The following OR1J2 variants were observed in gnomAD, a reference collection of about 807,000 sequenced individuals.
OR1J2 encodes olfactory receptor 1J2.
For missense variants in OR1J2, 304 were observed against 246.1 expected, an observed-to-expected ratio of 1.24 and a Z score of -1.57; for synonymous variants, 142 against 99.7, an observed-to-expected ratio of 1.42 and a Z score of -2.52.
the OR1J2 span, among the ~76,000 whole-genome samples, chr9:122,491,175 T>G: frequency 1.3e-5 from 2 of 152,204 alleles, no homozygotes; most frequent in Middle Eastern, 3.4e-3. Context: ...CTCTCTAAAT[T>G]TATGGCTTGG....
chr9:122,477,732 G>T, the OR1J2 span: 1 of 1,614,062 alleles, frequency 6.2e-7, no homozygotes, highest in Non-Finnish European at 8.5e-7. Flanking sequence ...TGAGGGCCAA[G>T]TGGCTAAGGA....
At chr9:122,563,237 T>C in the OR1J2 span, among the ~76,000 whole-genome samples, 2 of 152,086 alleles carry the variant, frequency 1.3e-5, no homozygotes, top group South Asian at 2.1e-4. Flanking sequence ...TGAGGTGATA[T>C]CTCATTGTGT....
the OR1J2 span, among the ~76,000 whole-genome samples, chr9:122,489,541 C>T: frequency 7.8e-4 from 119 of 152,162 alleles, no homozygotes; most frequent in South Asian, 4.1e-4. Flanking sequence ...GGCCCAGTGA[C>T]GAGGGCCCTT....
the OR1J2 span, among the ~76,000 whole-genome samples, chr9:122,551,640 A>C: frequency 6.6e-6 from 1 of 152,118 alleles, no homozygotes; most frequent in Non-Finnish European, 1.5e-5. Context: ...TCAGAATCAC[A>C]TTCCCGAGAC....
chr9:122,467,851 A>G, the OR1J2 span, among the ~76,000 whole-genome samples: 5 of 152,190 alleles, frequency 3.3e-5, no homozygotes, highest in Admixed American at 6.5e-5. Flanking sequence ...CCAAATCCCC[A>G]TACTGTATTA....
At chr9:122,558,311 C>CTTTTTTTTTTTTTTTTTTTTTTTTTTT in the OR1J2 span, among the ~76,000 whole-genome samples, 3 of 34,472 alleles carry the variant, frequency 8.7e-5, 1 homozygote, top group Non-Finnish European at 1.4e-4. Flanking sequence ...TTGGATTTTG[C>CTTTTTTTTTTTTTTTTTTTTTTTTTTT]TTTTTTTTTT....
At chr9:122,454,931 G>C in the OR1J2 span, among the ~76,000 whole-genome samples, 1 of 152,152 alleles carries the variant, frequency 6.6e-6, no homozygotes, top group Non-Finnish European at 1.5e-5. Context: ...CTATAAAGTT[G>C]TCAGTTTTGG....
chr9:122,493,099 G>A, the OR1J2 span, among the ~76,000 whole-genome samples: 1 of 151,942 alleles, frequency 6.6e-6, no homozygotes, highest in Non-Finnish European at 1.5e-5. Context: ...TCTTGGTTTT[G>A]GTTCACTAGT....
the OR1J2 span, among the ~76,000 whole-genome samples, chr9:122,555,408 C>T: frequency 2.0e-5 from 3 of 152,154 alleles, no homozygotes; most frequent in African/African-American, 7.2e-5. Context: ...CCATCTTAGC[C>T]TTGAATTAGG....
chr9:122,538,082 C>A, the OR1J2 span, among the ~76,000 whole-genome samples: 1 of 152,126 alleles, frequency 6.6e-6, no homozygotes, highest in Non-Finnish European at 1.5e-5. Context: ...CTATGCAAGT[C>A]ACCTGTGTAG....
chr9:122,455,852 T>C, the OR1J2 span, among the ~76,000 whole-genome samples: 9 of 152,182 alleles, frequency 5.9e-5, no homozygotes, highest in Non-Finnish European at 1.3e-4. Flanking sequence ...AGGTTTTTAG[T>C]TTATTTTGAG....
the OR1J2 span, among the ~76,000 whole-genome samples, chr9:122,565,635 C>T: frequency 6.6e-6 from 1 of 152,196 alleles, no homozygotes; most frequent in East Asian, 1.9e-4. Context: ...CATTAGTCTG[C>T]TTCTGTCATA....
the OR1J2 span, chr9:122,520,128 G>A: frequency 5.1e-6 from 7 of 1,378,048 alleles, no homozygotes; most frequent in Non-Finnish European, 7.0e-6. Context: ...CCTATTTCCA[G>A]ATCATAGATC....
At chr9:122,547,521 C>T in the OR1J2 span, among the ~76,000 whole-genome samples, 3 of 152,034 alleles carry the variant, frequency 2.0e-5, no homozygotes, top group Non-Finnish European at 4.4e-5. Context: ...TCTCATCCCT[C>T]AGCCCCCTCC....
chr9:122,539,295 T>C, the OR1J2 span, among the ~76,000 whole-genome samples: 124 of 152,174 alleles, frequency 8.1e-4, no homozygotes, highest in Admixed American at 8.1e-3. Context: ...CCCTGGTGTG[T>C]GATGTTCCCC....
At chr9:122,567,934 G>A in the OR1J2 span, 2 of 1,614,114 alleles carry the variant, frequency 1.2e-6, no homozygotes, top group Middle Eastern at 1.6e-4. Context: ...ACAGGGCTGA[G>A]GTCACAGAGA....
chr9:122,479,278 TC>T, the OR1J2 span, among the ~76,000 whole-genome samples: 2 of 152,308 alleles, frequency 1.3e-5, no homozygotes, highest in African/African-American at 2.4e-5. Context: ...ATCTCATTGT[TC>T]CACTCAGAAT....
the OR1J2 span, among the ~76,000 whole-genome samples, chr9:122,544,415 C>CTTTTTTT: frequency 0.019 from 1,599 of 85,132 alleles, no homozygotes; most frequent in Non-Finnish European, 0.026. Context: ...CCTCTTTTTT[C>CTTTTTTT]TTTTTTTTTT....
the OR1J2 span, among the ~76,000 whole-genome samples, chr9:122,523,784 T>A: frequency 6.6e-6 from 1 of 152,152 alleles, no homozygotes; most frequent in East Asian, 1.9e-4. Flanking sequence ...CTGAAGACCA[T>A]TTGCTTCTTA....
Sources: allele counts gnomAD v4.1 joint callset (sites outside exome capture counted in the v4.1 genomes callset), GRCh38; gene constraint gnomAD v4.1.1; transcripts MANE v1.5; gene names NCBI Gene and HGNC (gene_info 2026-07-23, HGNC 2026-07-21).